POLA1: variants seen among roughly 807,000 people sequenced by gnomAD.
POLA1 encodes the protein DNA polymerase alpha catalytic subunit.
Under a neutral mutation model 124.0 loss-of-function variants are expected in POLA1, and 15 were observed. The observed-to-expected ratio is 0.12, with a 90% confidence interval of 0.08 to 0.19. The LOEUF (loss-of-function observed/expected upper bound fraction) is 0.19. Ranked by LOEUF, POLA1 falls within the 10% of genes least tolerant of loss-of-function variation. The probability of loss-of-function intolerance (pLI) is 1.00; values close to 1 mark genes in which losing one functional copy is unlikely to be tolerated. For missense variants in POLA1, 886 were observed against 1,103.4 expected (o/e 0.80, Z 2.79); for synonymous variants, 408 against 389.4 (o/e 1.05, Z -0.56).
chrX:24,717,171 A>G (rs1323152990), intron 8 of POLA1, 119 bp from the exon 9 acceptor site: 3 of 616,446 alleles, frequency 4.9e-6, no homozygotes, highest in Non-Finnish European at 7.7e-6. Flanking sequence ...AACATAGTAT[A>G]GAAAAGGGAC....
Position 24,922,120 on chromosome X carries a change from T to C in POLA1, c.4165-8333T>C, listed in dbSNP as rs188527838. 2.0e-4 allele frequency among the ~76,000 whole-genome samples: 22 copies of C among 111,166 alleles called. No individual in the cohort carries two copies. In the East Asian group the frequency reaches 6.2e-3, roughly 31 times the overall value. On this transcript the variant is annotated intron_variant, in intron 35 of 36. Coordinates refer to ENST00000379068, the MANE Select transcript of POLA1 (RefSeq NM_001330360.2). ...ACAGGATCTGTTTGTGTCACCCACATTGGAGTATAGTGGCGTGAACATAGC... is the reference window on the plus strand; with the variant it reads ...ACAGGATCTGTTTGTGTCACCCACACTGGAGTATAGTGGCGTGAACATAGC...
chrX:24,774,873 A>G (rs1216754516), intron 26 of POLA1, among the ~76,000 whole-genome samples: 2 of 112,114 alleles, frequency 1.8e-5, no homozygotes, highest in Non-Finnish European at 3.8e-5. Flanking sequence ...TCAAGGGTTT[A>G]TGGGAGTTAG....
intron 32 of POLA1, among the ~76,000 whole-genome samples, chrX:24,832,392 G>A (rs1368468189): frequency 1.8e-5 from 2 of 111,735 alleles, no homozygotes; most frequent in Non-Finnish European, 3.8e-5. Context: ...CTTCTGTGTC[G>A]CTAGCCCACA....
intron 36 of POLA1, among the ~76,000 whole-genome samples, chrX:24,985,620 C>T (rs1030625574): frequency 8.9e-6 from 1 of 112,050 alleles, no homozygotes; most frequent in Admixed American, 9.4e-5. Context: ...GGTTGAATAT[C>T]CTAAATCTGG....
chrX:24,925,242 G>A (rs2047674242), intron 35 of POLA1, among the ~76,000 whole-genome samples: 1 of 111,730 alleles, frequency 9.0e-6, no homozygotes, highest in Admixed American at 9.5e-5. Flanking sequence ...TTCATGATTT[G>A]ATATTTTTCA....
chrX:24,875,539 C>T (rs1407398846), intron 34 of POLA1, among the ~76,000 whole-genome samples: 2 of 111,757 alleles, frequency 1.8e-5, no homozygotes, highest in Non-Finnish European at 3.8e-5. Context: ...CTTTTGATTT[C>T]TACTCTTTGA....
chrX:24,950,418 G>A (rs1191882755), intron 36 of POLA1, among the ~76,000 whole-genome samples: 1 of 111,883 alleles, frequency 8.9e-6, no homozygotes, highest in East Asian at 2.8e-4. Context: ...TGTGACTAGT[G>A]GCTACCTTAT....
chrX:24,949,633 A>G (rs1234969119), intron 36 of POLA1, among the ~76,000 whole-genome samples: 5 of 108,565 alleles, frequency 4.6e-5, no homozygotes, highest in African/African-American at 6.7e-5. Flanking sequence ...TCCAGCAGAC[A>G]TAAGTGTGTT....
chrX:24,958,549 T>G (rs758824954), intron 36 of POLA1, among the ~76,000 whole-genome samples: 1 of 112,655 alleles, frequency 8.9e-6, no homozygotes, highest in Non-Finnish European at 1.9e-5. Flanking sequence ...TGTACGTCCT[T>G]TGTATCATAG....
At chrX:24,791,675 C>T (rs1052703542) in intron 26 of POLA1, among the ~76,000 whole-genome samples, 1 of 112,405 alleles carries the variant, frequency 8.9e-6, no homozygotes, top group Non-Finnish European at 1.9e-5. Context: ...TGAGCCACCA[C>T]GCCCGGCCTA....
At chrX:24,696,933 C>A (rs754134659) in intron 1 of POLA1, among the ~76,000 whole-genome samples, 1 of 111,093 alleles carries the variant, frequency 9.0e-6, no homozygotes, top group Non-Finnish European at 1.9e-5. Flanking sequence ...TTTGCTTGTG[C>A]CACTTTTTAC....
chrX:24,732,255 A>T, intron 15 of POLA1, 115 bp from the exon 16 acceptor site: 1 of 532,896 alleles, frequency 1.9e-6, no homozygotes, highest in Non-Finnish European at 3.2e-6. Context: ...ACGCCTGGCC[A>T]AACTTTTCAT....
intron 26 of POLA1, among the ~76,000 whole-genome samples, chrX:24,802,262 C>T (rs190872671): frequency 2.5e-4 from 28 of 110,667 alleles, no homozygotes; most frequent in African/African-American, 8.6e-4. Context: ...ATCTGGGTAC[C>T]GTGACTTAGC....
intron 4 of POLA1, among the ~76,000 whole-genome samples, chrX:24,710,964 G>A (rs112341844): frequency 0.039 from 4,275 of 110,625 alleles, 205 homozygotes; most frequent in African/African-American, 0.13. Context: ...GCGCTGGCAT[G>A]TATATGTATT....
intron 34 of POLA1, among the ~76,000 whole-genome samples, chrX:24,886,692 A>G (rs889067424): frequency 2.7e-5 from 3 of 112,050 alleles, no homozygotes; most frequent in African/African-American, 9.7e-5. Flanking sequence ...TAATGAACCA[A>G]CACTCATGTA....
chrX:24,827,475 G>C (rs1415906491), intron 32 of POLA1, among the ~76,000 whole-genome samples: 1 of 112,182 alleles, frequency 8.9e-6, no homozygotes, highest in African/African-American at 3.2e-5. Context: ...GGCAATTATA[G>C]ACTTAACTTT....
At chrX:24,833,560 C>A (rs2147042246) in intron 32 of POLA1, among the ~76,000 whole-genome samples, 1 of 111,325 alleles carries the variant, frequency 9.0e-6, no homozygotes, top group East Asian at 2.8e-4. Context: ...ATACCAACAT[C>A]TATTTTTTTT....
chrX:24,752,126 C>T (rs1306847377), intron 26 of POLA1, among the ~76,000 whole-genome samples: 1 of 112,070 alleles, frequency 8.9e-6, no homozygotes, highest in Non-Finnish European at 1.9e-5. Context: ...TTCCTGGAAT[C>T]GTGCACGTTT....
rs148411107 is a variant in POLA1 at position 24,717,612 on chromosome X, A to G, written c.941A>G (p.Asp314Gly). Residue 314 changes from aspartate (D) to glycine (G), a missense_variant, in exon 10 of 37, where the codon GAC (aspartate) becomes GGC (glycine). Transcript: ENST00000379068. ...GSFLPDVSCWDIDQEGDSSFS... is the reference protein window; with the variant it reads ...GSFLPDVSCWGIDQEGDSSFS... Reference sequence around the variant, plus strand: ...TTTCTCCCGGATGTCTCTTGTTGGGACATTGATCAAGAAGGTGATAGCAGT... The same window carrying G: ...TTTCTCCCGGATGTCTCTTGTTGGGGCATTGATCAAGAAGGTGATAGCAGT... 1.3e-5 allele frequency: 16 copies of G among 1,208,015 alleles called. No individual in the cohort carries two copies. Among genetic ancestry groups the G allele is most frequent in the Admixed American group, 2.2e-5 (1 of 45,697 alleles).
Sources: allele counts gnomAD v4.1 joint callset (sites outside exome capture counted in the v4.1 genomes callset), GRCh38; gene constraint gnomAD v4.1.1; transcripts MANE v1.5; gene names NCBI Gene and HGNC (gene_info 2026-07-23, HGNC 2026-07-21).